AKAIN1: variants seen among roughly 807,000 people sequenced by gnomAD.
AKAIN1 encodes A-kinase anchor protein inhibitor 1.
Under a neutral mutation model 3.7 loss-of-function variants are expected in AKAIN1, and 3 were observed. The observed-to-expected ratio is 0.82, with a 90% CI of 0.37 to 2.12. The LOEUF is 2.12. Among genes scored for constraint, AKAIN1 ranks in the 30% most tolerant of loss-of-function variants. The pLI is 0.06. For synonymous variants in AKAIN1, 31 were observed against 30.8 expected (o/e 1.01, Z -0.02); for missense variants, 82 against 82.7 (o/e 0.99, Z 0.03).
intron 1 of AKAIN1, among the ~76,000 whole-genome samples, chr18:5,174,887 C>G (rs979626367): frequency 9.9e-5 from 15 of 152,156 alleles, no homozygotes; most frequent in African/African-American, 3.6e-4. Context: ...AGACAGAATA[C>G]TAACCTTTCC....
intron 1 of AKAIN1, among the ~76,000 whole-genome samples, chr18:5,165,323 G>C (rs1490195508): frequency 1.3e-5 from 2 of 151,924 alleles, no homozygotes; most frequent in Admixed American, 6.6e-5. Context: ...CTTGTAATTG[G>C]AGAGTGGCAA....
chr18:5,173,850 G>A (rs61412684), intron 1 of AKAIN1, among the ~76,000 whole-genome samples: 27,054 of 151,976 alleles, frequency 0.18, 3,011 homozygotes, highest in Non-Finnish European at 0.24. Context: ...TCGGCCATCT[G>A]CTGTGCGCCA....
At chr18:5,159,344 C>T (rs2071126576) in intron 1 of AKAIN1, 1 of 152,056 alleles carries the variant, frequency 6.6e-6, no homozygotes, top group Non-Finnish European at 1.5e-5. Flanking sequence ...TCAAAAACTC[C>T]AAGTCAAATG....
chr18:5,150,164 G>T (rs1539934), intron 1 of AKAIN1, among the ~76,000 whole-genome samples: 1 of 152,238 alleles, frequency 6.6e-6, no homozygotes, highest in African/African-American at 2.4e-5. Flanking sequence ...TCTCTGTGCG[G>T]CATCACACTC....
At chr18:5,183,048 A>C (rs554500269) in intron 1 of AKAIN1, among the ~76,000 whole-genome samples, 2 of 152,222 alleles carry the variant, frequency 1.3e-5, no homozygotes, top group South Asian at 4.1e-4. Flanking sequence ...ACTGTGCTGC[A>C]TACAGAAAAA....
At chr18:5,164,201 A>G (rs1017743662) in intron 1 of AKAIN1, among the ~76,000 whole-genome samples, 5 of 152,106 alleles carry the variant, frequency 3.3e-5, no homozygotes, top group African/African-American at 9.6e-5. Flanking sequence ...ATATAAAATT[A>G]TGTTGCCCCA....
At chr18:5,162,198 A>G (rs2143331941) in intron 1 of AKAIN1, among the ~76,000 whole-genome samples, 1 of 152,246 alleles carries the variant, frequency 6.6e-6, no homozygotes, top group South Asian at 2.1e-4. Flanking sequence ...CTCTTCTCTT[A>G]GAAAGAAAAC....
chr18:5,154,587 C>A (rs2071096553), intron 1 of AKAIN1, among the ~76,000 whole-genome samples: 1 of 152,078 alleles, frequency 6.6e-6, no homozygotes, highest in African/African-American at 2.4e-5. Context: ...ACTGACCAGA[C>A]CCCTTCTTGG....
chr18:5,192,413 C>CTTTCTTTCT, intron 1 of AKAIN1, among the ~76,000 whole-genome samples: 1 of 119,874 alleles, frequency 8.3e-6, no homozygotes, highest in African/African-American at 2.9e-5. Context: ...TTCTTTCTTT[C>CTTTCTTTCT]TTTCTTTCTT....
chr18:5,165,233 A>T (rs907671812), intron 1 of AKAIN1, among the ~76,000 whole-genome samples: 1 of 151,948 alleles, frequency 6.6e-6, no homozygotes, highest in African/African-American at 2.4e-5. Flanking sequence ...TTAAGGGGAG[A>T]TATCACCCAA....
chr18:5,188,103 C>A (rs1598316669), intron 1 of AKAIN1, among the ~76,000 whole-genome samples: 3 of 152,220 alleles, frequency 2.0e-5, no homozygotes, highest in Admixed American at 1.3e-4. Context: ...GAATAATATT[C>A]TTTGACTCAA....
chr18:5,173,912 C>T (rs2071211330), intron 1 of AKAIN1, among the ~76,000 whole-genome samples: 1 of 152,044 alleles, frequency 6.6e-6, no homozygotes, highest in Non-Finnish European at 1.5e-5. Context: ...GGAAAATTAA[C>T]TCTGGGCAGG....
intron 1 of AKAIN1, among the ~76,000 whole-genome samples, chr18:5,147,889 T>C (rs2071058341): frequency 6.6e-6 from 1 of 152,238 alleles, no homozygotes. Context: ...TTTTTCTATA[T>C]GAAGAGTCAC....
intron 1 of AKAIN1, among the ~76,000 whole-genome samples, chr18:5,179,473 A>G (rs1432733722): frequency 1.3e-5 from 2 of 151,944 alleles, no homozygotes; most frequent in Non-Finnish European, 2.9e-5. Context: ...TCATCTGTTG[A>G]TGGATACTTA....
intron 1 of AKAIN1, among the ~76,000 whole-genome samples, chr18:5,162,077 C>A (rs2071142681): frequency 1.3e-5 from 2 of 152,218 alleles, no homozygotes; most frequent in African/African-American, 4.8e-5. Context: ...AAAGGGCTAA[C>A]TTGAGTCTGT....
At chr18:5,176,273 T>C (rs1030999755) in intron 1 of AKAIN1, among the ~76,000 whole-genome samples, 2 of 152,110 alleles carry the variant, frequency 1.3e-5, no homozygotes, top group Non-Finnish European at 2.9e-5. Context: ...ACCCCATCTC[T>C]ACTAAAAATG....
chr18:5,169,920 C>T (rs746995511), intron 1 of AKAIN1, among the ~76,000 whole-genome samples: 1 of 152,130 alleles, frequency 6.6e-6, no homozygotes, highest in Non-Finnish European at 1.5e-5. Context: ...TTACTCTTCA[C>T]CTGCAGCCTT....
intron 1 of AKAIN1, among the ~76,000 whole-genome samples, chr18:5,192,388 TCTTTCTTTCTTTC>T (rs1331499357): frequency 2.4e-5 from 2 of 81,674 alleles, no homozygotes; most frequent in Admixed American, 1.2e-4. Context: ...GAGCTAATTT[TCTTTCTTTCTTTC>T]TTTCTTTCTT....
intron 1 of AKAIN1, among the ~76,000 whole-genome samples, chr18:5,185,799 C>T (rs376365970): frequency 2.2e-4 from 34 of 151,860 alleles, no homozygotes; most frequent in African/African-American, 7.2e-4. Flanking sequence ...TCTCAAAGAA[C>T]TTATTTGTCC....
Sources: allele counts gnomAD v4.1 joint callset (sites outside exome capture counted in the v4.1 genomes callset), GRCh38; gene constraint gnomAD v4.1.1; transcripts MANE v1.5; gene names NCBI Gene and HGNC (gene_info 2026-07-23, HGNC 2026-07-21).